The following KIF13A variants were observed in gnomAD, a reference collection of about 807,000 sequenced individuals.
KIF13A encodes the protein kinesin-like protein KIF13A.
KIF13A carries 79 observed loss-of-function variants against 212.2 expected under a neutral mutation model. The ratio of observed to expected loss-of-function variants is 0.37; its 90% CI spans 0.31 to 0.45. The LOEUF (loss-of-function observed/expected upper bound fraction) is 0.45. Among genes scored for constraint, KIF13A ranks in the 20% least tolerant of loss-of-function variants. The pLI is 1.00. For missense variants in KIF13A, 1,901 were observed against 2,209.0 expected, an observed-to-expected ratio of 0.86 and a Z score of 2.79; for synonymous variants, 789 against 808.6, an observed-to-expected ratio of 0.98 and a Z score of 0.41.
intron 2 of KIF13A, among the ~76,000 whole-genome samples, chr6:17,902,297 T>G (rs1470967666): frequency 5.3e-5 from 8 of 152,198 alleles, no homozygotes; most frequent in African/African-American, 1.9e-4. Flanking sequence ...AAAACATCCT[T>G]GCTTTTAATC....
At chr6:17,924,504 A>G (rs1775332638) in intron 2 of KIF13A, among the ~76,000 whole-genome samples, 1 of 152,220 alleles carries the variant, frequency 6.6e-6, no homozygotes, top group Non-Finnish European at 1.5e-5. Context: ...AGTAAACTGC[A>G]GATTTTTTAG....
chr6:17,970,348 T>G (rs1339644730), intron 2 of KIF13A, among the ~76,000 whole-genome samples: 1 of 138,770 alleles, frequency 7.2e-6, no homozygotes, highest in African/African-American at 2.8e-5. Context: ...ATGCCTGTAA[T>G]CCCAAAATTT....
chr6:17,921,702 C>T (rs952225112), intron 2 of KIF13A, among the ~76,000 whole-genome samples: 3 of 151,988 alleles, frequency 2.0e-5, no homozygotes, highest in Non-Finnish European at 4.4e-5. Context: ...AGGAGAATGC[C>T]CTTGGAAAGC....
Position 17,828,607 on chromosome 6 carries a change from T to G in KIF13A, c.1402-237A>C, listed in dbSNP as rs1208009678. Among the ~76,000 whole-genome samples the G allele has an allele frequency of 6.6e-6, 1 of 152,242 alleles. No individual in the cohort carries two copies. The highest frequency in any genetic ancestry group is 1.9e-4 in the East Asian group (1 of 5,200). On this transcript the variant is annotated intron_variant, in intron 13 of 38. Coordinates refer to ENST00000259711, the MANE Select transcript of KIF13A (RefSeq NM_022113.6). The surrounding 1 kb of genome is among the most constrained non-coding windows in gnomAD (Gnocchi z 4.3). ...TCCCCAATCAACAATGATTAGTTAT[T>G]GTTTTTAACACAGGAAATTGGACTT...
chr6:17,840,502 A>G (rs1581483705), intron 9 of KIF13A, among the ~76,000 whole-genome samples: 1 of 152,288 alleles, frequency 6.6e-6, no homozygotes, highest in Admixed American at 6.5e-5. Flanking sequence ...CACAAGCTCT[A>G]AAGAGTTCAG....
intron 3 of KIF13A, chr6:17,881,827 C>T (rs549993925): frequency 1.1e-4 from 38 of 351,176 alleles, no homozygotes; most frequent in African/African-American, 5.8e-4. Flanking sequence ...GAAACCTTGT[C>T]TCTACTGAAA....
At chr6:17,817,347 A>G (rs1764040418) in intron 16 of KIF13A, 114 bp from the exon 17 acceptor site, 4 of 857,826 alleles carry the variant, frequency 4.7e-6, no homozygotes, top group East Asian at 4.9e-5. Flanking sequence ...GCCAGTCAAT[A>G]CGCTTTTTGT....
chr6:17,846,949 C>T (rs1474717721), intron 9 of KIF13A, among the ~76,000 whole-genome samples: 1 of 152,184 alleles, frequency 6.6e-6, no homozygotes, highest in Non-Finnish European at 1.5e-5. Context: ...ACTTGGTGAC[C>T]TGGGAGACAT....
chr6:17,924,692 CATG>C (rs1397480033), intron 2 of KIF13A, among the ~76,000 whole-genome samples: 1 of 152,086 alleles, frequency 6.6e-6, no homozygotes, highest in Non-Finnish European at 1.5e-5. Flanking sequence ...GGAAGGACGG[CATG>C]ATAAGCCGAG....
At chr6:17,969,405 T>C (rs1779609149) in intron 2 of KIF13A, among the ~76,000 whole-genome samples, 1 of 152,226 alleles carries the variant, frequency 6.6e-6, no homozygotes. Context: ...TACTTAATTA[T>C]ATTTATATTA....
chr6:17,931,471 C>A (rs1775980744), intron 2 of KIF13A, among the ~76,000 whole-genome samples: 1 of 108,922 alleles, frequency 9.2e-6, no homozygotes, highest in African/African-American at 2.7e-5. Flanking sequence ...ATAAAGGTAC[C>A]CTAAAAACTC....
At position 17,763,717 on chromosome 6, in the gene KIF13A, G is replaced by A; in HGVS notation, c.*393C>T. Reference sequence around the variant, plus strand: ...CTGTTGATATGACAGAGTTTAATTGGCAGTATTTTTTCTTAATGATACATA... The same window carrying A: ...CTGTTGATATGACAGAGTTTAATTGACAGTATTTTTTCTTAATGATACATA... On this transcript the variant is annotated 3_prime_UTR_variant, in exon 39 of 39. Coordinates refer to ENST00000259711, the MANE Select transcript of KIF13A (RefSeq NM_022113.6). 2.3e-6 allele frequency: 1 copy of A among 437,792 alleles called. No homozygotes were observed. The highest frequency in any genetic ancestry group is 3.1e-6 in the Non-Finnish European group (1 of 318,716). 27.1% of individuals were successfully genotyped at this position (437,792 alleles called of 1,614,324 possible).
chr6:17,784,354 G>A (rs1346450025), intron 28 of KIF13A, among the ~76,000 whole-genome samples: 1 of 152,114 alleles, frequency 6.6e-6, no homozygotes, highest in Non-Finnish European at 1.5e-5. Context: ...GGAGATCGAG[G>A]TTGCAGTGCA....
chr6:17,966,492 C>CT (rs1779322727), intron 2 of KIF13A, among the ~76,000 whole-genome samples: 4 of 58,320 alleles, frequency 6.9e-5, no homozygotes, highest in South Asian at 5.0e-4. Context: ...TTCAAAAGTT[C>CT]TGAAAAAAAA....
At chr6:17,846,771 CA>C (rs1767110303) in intron 9 of KIF13A, among the ~76,000 whole-genome samples, 1 of 152,152 alleles carries the variant, frequency 6.6e-6, no homozygotes, top group African/African-American at 2.4e-5. Context: ...CATAAACTCA[CA>C]TCCAAAATTA....
In KIF13A at chr6:17,794,727, G is replaced by A; in HGVS notation, c.2943-23C>T. 3 of 1,599,082 alleles carry A rather than the reference G, an allele frequency of 1.9e-6. No homozygotes were observed. Among genetic ancestry groups the A allele is most frequent in the Non-Finnish European group, 2.6e-6 (3 of 1,175,948 alleles). The stretch of plus-strand genomic sequence containing the variant: ...CACCTGCAGAAACACATTCCAACAA[G>A]CAAGAGCGTCATCGTCCAGGGATAC... On this transcript the variant is annotated intron_variant, in intron 23 of 38. Coordinates refer to ENST00000259711, the MANE Select transcript of KIF13A (RefSeq NM_022113.6). This position sits in a 1 kb window ranked among gnomAD's most constrained non-coding sequence, Gnocchi z 4.1.
rs1305267013 is a variant in KIF13A, at chr6:17,918,868, C to A, written c.147-20688G>T. On this transcript the variant is annotated intron_variant, in intron 2 of 38. Transcript: ENST00000259711. The surrounding 1 kb of genome is among the most constrained non-coding windows in gnomAD (Gnocchi z 4.8). ...TTTGTTTCCTTCTCAGCACCTTTCG[C>A]CATGTTAAACCATTTCATTATTTAT... Among the ~76,000 whole-genome samples, 1 of 152,144 alleles carries A rather than the reference C, an allele frequency of 6.6e-6. No homozygotes were observed. The highest frequency in any genetic ancestry group is 1.9e-4 in the East Asian group (1 of 5,182).
chr6:17,779,009 C>T lies in KIF13A; in HGVS notation c.4030G>A (p.Glu1344Lys). ...TGCAGCACGCCTCGAGTGTACTTCT[C>T]AATGTACGTCTCCCCATCTGATGTG... ...EGTSDGETYI[E>K]KYTRGVLQVE... Residue 1344 changes from glutamate (E) to lysine (K), a missense_variant, in exon 33 of 39, where the codon GAG becomes AAG. Coordinates refer to ENST00000259711, the MANE Select transcript of KIF13A (RefSeq NM_022113.6). The T allele has an allele frequency of 6.2e-7, 1 of 1,613,500 alleles. No homozygotes were observed. Among genetic ancestry groups the T allele is most frequent in the Non-Finnish European group, 8.5e-7 (1 of 1,179,746 alleles).
In KIF13A at chr6:17,898,978, G is replaced by C. The variant is rs115188367; in HGVS notation, c.147-798C>G. ...AGCCTCCCACATAACTAGGACTATAGGTGTGTGCCACCACACCTGGGTAAT... is the reference window on the plus strand; with the variant it reads ...AGCCTCCCACATAACTAGGACTATACGTGTGTGCCACCACACCTGGGTAAT... On this transcript the variant is annotated intron_variant, in intron 2 of 38. Transcript: ENST00000259711. The surrounding 1 kb of genome is among the most constrained non-coding windows in gnomAD (Gnocchi z 5.2). Among the ~76,000 whole-genome samples the C allele has an allele frequency of 3.1e-3, 479 of 152,152 alleles. 3 individuals carry two copies. The highest frequency in any genetic ancestry group is 0.011 in the African/African-American group (464 of 41,508).
Sources: gnomAD v4.1 joint callset for allele counts (sites outside exome capture counted in the v4.1 genomes callset) on GRCh38, gnomAD v4.1.1 for gene constraint, Gnocchi (gnomAD v3.1) non-coding constraint, MANE v1.5 for transcripts, NCBI Gene and HGNC (gene_info 2026-07-23, HGNC 2026-07-21) for gene names.